ACOT7: variants seen among roughly 807,000 people sequenced by gnomAD.
The protein encoded by ACOT7 is acyl-CoA thioesterase 7, also known as cytosolic acyl coenzyme A thioester hydrolase.
A neutral mutation model predicts 40.2 loss-of-function variants in ACOT7; 12 were observed. The ratio of observed to expected loss-of-function variants is 0.30; its 90% CI spans 0.19 to 0.48. The LOEUF is 0.48. ACOT7 is among the 20% of genes least tolerant of loss of function. ACOT7 has a pLI of 0.99. For missense variants in ACOT7, 395 were observed against 530.8 expected (o/e 0.74, Z 2.51); for synonymous variants, 228 against 219.5 (o/e 1.04, Z -0.34).
At chr1:6,327,500 C>T in intron 4 of ACOT7, 87 bp from the exon 5 acceptor site, 3 of 1,125,942 alleles carry the variant, frequency 2.7e-6, no homozygotes, top group Non-Finnish European at 3.9e-6. Context: ...CCCTTATAGC[C>T]TTGTGTAACT....
At chr1:6,357,767 G>A (rs955580017) in intron 1 of ACOT7, among the ~76,000 whole-genome samples, 6 of 152,184 alleles carry the variant, frequency 3.9e-5, no homozygotes, top group Admixed American at 2.0e-4. Context: ...CAGGCACGTG[G>A]ATGGGTGTGG....
chr1:6,280,873 A>G (rs1557629441), intron 8 of ACOT7, among the ~76,000 whole-genome samples: 1 of 152,164 alleles, frequency 6.6e-6, no homozygotes, highest in Non-Finnish European at 1.5e-5. Flanking sequence ...CTGGGAGTAC[A>G]GCCCAAAGGC....
At chr1:6,316,099 G>A (rs377145977) in intron 6 of ACOT7, among the ~76,000 whole-genome samples, 16 of 152,186 alleles carry the variant, frequency 1.1e-4, no homozygotes, top group East Asian at 1.9e-4. Flanking sequence ...AGTGAAGAAC[G>A]TCTAACATGT....
intron 1 of ACOT7, among the ~76,000 whole-genome samples, chr1:6,362,874 A>AC (rs1384303630): frequency 6.6e-6 from 1 of 152,086 alleles, no homozygotes; most frequent in African/African-American, 2.4e-5. Context: ...ACATGGTGAG[A>AC]CCCCATCTCT....
At chr1:6,374,546 C>T (rs1642190949) in intron 1 of ACOT7, among the ~76,000 whole-genome samples, 1 of 152,204 alleles carries the variant, frequency 6.6e-6, no homozygotes, top group Non-Finnish European at 1.5e-5. Flanking sequence ...GGAGATCAAG[C>T]ACCACAACCT....
At chr1:6,270,052 T>C (rs1202218647) in intron 8 of ACOT7, among the ~76,000 whole-genome samples, 3 of 152,180 alleles carry the variant, frequency 2.0e-5, no homozygotes, top group African/African-American at 7.2e-5. Context: ...GTCTGTCCCA[T>C]GGTAGGTTAC....
At chr1:6,378,196 C>T (rs1414377752) in intron 1 of ACOT7, among the ~76,000 whole-genome samples, 3 of 145,772 alleles carry the variant, frequency 2.1e-5, no homozygotes, top group African/African-American at 7.4e-5. Context: ...GAGGTAGTGG[C>T]TCAAGGTAAG....
chr1:6,270,422 G>GCTGC (rs1638996722), intron 8 of ACOT7, among the ~76,000 whole-genome samples: 1 of 152,238 alleles, frequency 6.6e-6, no homozygotes, highest in Non-Finnish European at 1.5e-5. Context: ...AGTGGTGCCA[G>GCTGC]CTGCCGGGCA....
rs1640152406 is a variant in ACOT7, at chr1:6,306,215, A to AGGGGGG, written c.713-11236_713-11235insCCCCCC. On this transcript the variant is annotated intron_variant, in intron 6 of 8. Coordinates refer to ENST00000361521, the MANE Select transcript of ACOT7 (RefSeq NM_007274.4). This position sits in a 1 kb window ranked among gnomAD's most constrained non-coding sequence, Gnocchi z 4.3. ...AGAGGGAGACCGTGGGGAGAGGGGG[A>AGGGGGG]GGGGGAGGGGGAGAGGGAGAGGACG... The AGGGGGG allele has an allele frequency of 6.0e-6, 5 of 834,288 alleles. No homozygotes were observed. The highest frequency in any genetic ancestry group is 7.7e-5 in the African/African-American group (2 of 25,824). The allele number at this position is 834,288 out of a possible 1,614,324, so 51.7% of individuals were successfully genotyped here. A position where few individuals can be genotyped will look rare whatever the true frequency, so the allele number is the denominator to read the frequency against.
At chr1:6,385,242 GGGTTGCCA>G (rs1642415179) in intron 1 of ACOT7, among the ~76,000 whole-genome samples, 1 of 151,814 alleles carries the variant, frequency 6.6e-6, no homozygotes, top group East Asian at 1.9e-4. Context: ...CCACAGCCCA[GGGTTGCCA>G]GGTCACCTCC....
chr1:6,360,639 C>T (rs371066146), intron 1 of ACOT7: 16 of 1,614,118 alleles, frequency 9.9e-6, no homozygotes, highest in Middle Eastern at 1.6e-4. Context: ...CAAGCTTCTC[C>T]GAAGCAGGAG....
At chr1:6,307,878 C>T (rs994438659) in intron 6 of ACOT7, among the ~76,000 whole-genome samples, 2 of 148,384 alleles carry the variant, frequency 1.3e-5, no homozygotes, top group African/African-American at 5.0e-5. Flanking sequence ...GCAGAGGGAA[C>T]CACAACCAGA....
At chr1:6,277,141 G>C (rs1409583879) in intron 8 of ACOT7, among the ~76,000 whole-genome samples, 1 of 152,228 alleles carries the variant, frequency 6.6e-6, no homozygotes, top group East Asian at 1.9e-4. Flanking sequence ...GGACTCTATA[G>C]GGAGTGGGGA....
In ACOT7 at chr1:6,288,623, G is replaced by A. The variant is rs999519136; in HGVS notation, c.829+6241C>T. 3.9e-5 allele frequency among the ~76,000 whole-genome samples: 6 copies of A among 152,328 alleles called. No homozygotes were observed. The highest frequency in any genetic ancestry group is 7.2e-5 in the African/African-American group (3 of 41,584). On this transcript the variant is annotated intron_variant, in intron 7 of 8. Transcript: ENST00000361521. This position sits in a 1 kb window ranked among gnomAD's most constrained non-coding sequence, Gnocchi z 4.3. ...TGGGTTGGGCTGGTGAGGGGTGAGGGTAACAGAGGTGGCCCTCTGTGGTCT... is the reference window on the plus strand; with the variant it reads ...TGGGTTGGGCTGGTGAGGGGTGAGGATAACAGAGGTGGCCCTCTGTGGTCT...
chr1:6,353,707 A>C (rs922598362), intron 1 of ACOT7, among the ~76,000 whole-genome samples: 11 of 152,242 alleles, frequency 7.2e-5, no homozygotes, highest in African/African-American at 2.4e-4. Flanking sequence ...ATCTAAAAAT[A>C]AAGAAAGACA....
intron 7 of ACOT7, among the ~76,000 whole-genome samples, chr1:6,286,127 G>A (rs949083036): frequency 3.9e-5 from 6 of 152,214 alleles, no homozygotes; most frequent in African/African-American, 2.4e-5. Context: ...GCCCACGAGC[G>A]GAGGTGCTGC....
intron 1 of ACOT7, among the ~76,000 whole-genome samples, chr1:6,356,827 G>A (rs1388344669): frequency 3.9e-5 from 6 of 151,926 alleles, no homozygotes; most frequent in African/African-American, 1.5e-4. Flanking sequence ...GCTGAGGCAG[G>A]AGAATTGTTT....
chr1:6,393,687 G>T lies in ACOT7; in HGVS notation c.-288C>A. ...CCGCGCCCGACCCGGTGGCAGCCCC[G>T]AGGGAAGCGTCTGGGGCGGCCTAAG... On this transcript the variant is annotated 5_prime_UTR_variant, in exon 1 of 9. Transcript: ENST00000361521. 4.4e-6 allele frequency: 1 copy of T among 225,454 alleles called. No homozygotes were observed. Among genetic ancestry groups the T allele is most frequent in the African/African-American group, 2.3e-5 (1 of 43,630 alleles). 14.0% of individuals were successfully genotyped at this position (225,454 alleles called of 1,614,324 possible). A position where few individuals can be genotyped will look rare whatever the true frequency, so the allele number is the denominator to read the frequency against.
At chr1:6,314,863 C>T (rs1640438908) in intron 6 of ACOT7, among the ~76,000 whole-genome samples, 1 of 151,860 alleles carries the variant, frequency 6.6e-6, no homozygotes. Flanking sequence ...ACCCTCCTCC[C>T]TCATGGGACG....
Sources: gnomAD v4.1 joint callset for allele counts (sites outside exome capture counted in the v4.1 genomes callset) on GRCh38, gnomAD v4.1.1 for gene constraint, Gnocchi (gnomAD v3.1) non-coding constraint, MANE v1.5 for transcripts, NCBI Gene and HGNC (gene_info 2026-07-23, HGNC 2026-07-21) for gene names.